The following PMS1 variants were observed in gnomAD, a reference collection of about 807,000 sequenced individuals.
The protein encoded by PMS1 is PMS1 homolog 1, mismatch repair system component, also known as PMS1 protein homolog 1.
PMS1 carries 79 observed loss-of-function variants against 93.1 expected under a neutral mutation model. That is an observed-to-expected ratio of 0.85 (90% CI 0.71 to 1.02). PMS1 has a LOEUF of 1.02. Among genes scored for constraint, PMS1 ranks in the 50% least tolerant of loss-of-function variants. The pLI is 0.00. For synonymous variants in PMS1, 335 were observed against 363.4 expected (o/e 0.92, Z 0.89); for missense variants, 1,064 against 1,085.3 (o/e 0.98, Z 0.28).
intron 2 of PMS1, 84 bp from the exon 3 acceptor site, chr2:189,795,685 A>G (rs1022226376): frequency 1.8e-6 from 2 of 1,116,268 alleles, no homozygotes; most frequent in Non-Finnish European, 2.7e-6. Flanking sequence ...ATAAATGTCA[A>G]AATTCTTTCA....
At chr2:189,816,975 A>T (rs13396620) in intron 4 of PMS1, among the ~76,000 whole-genome samples, 1,657 of 152,020 alleles carry the variant, frequency 0.011, 28 homozygotes, top group African/African-American at 0.038. Context: ...TTTATTTTTA[A>T]AAAAAAAGAT....
chr2:189,848,719 T>G (rs1489585561), intron 6 of PMS1, among the ~76,000 whole-genome samples: 1 of 152,194 alleles, frequency 6.6e-6, no homozygotes, highest in Non-Finnish European at 1.5e-5. Context: ...TTTGAGTGTC[T>G]CTCTGGTGAG....
intron 5 of PMS1, among the ~76,000 whole-genome samples, chr2:189,825,707 G>A (rs2052371378): frequency 6.6e-6 from 1 of 152,132 alleles, no homozygotes; most frequent in South Asian, 2.1e-4. Context: ...AAGCTGAATT[G>A]GATGTCATTG....
chr2:189,859,276 C>T lies in PMS1; in HGVS notation c.1856+4148C>T, dbSNP rs142681859. 5.9e-5 allele frequency among the ~76,000 whole-genome samples: 9 copies of T among 152,226 alleles called. No individual in the cohort carries two copies. The East Asian group carries it at 1.7e-3, about 29-fold the overall frequency. ...GCACACTTTAACTCATTTTATTTCT[C>T]ACAACAAAACTGAAGTAGATGTGTA... On this transcript the variant is annotated intron_variant, in intron 9 of 12. Coordinates refer to ENST00000441310, the MANE Select transcript of PMS1 (RefSeq NM_000534.5).
intron 9 of PMS1, among the ~76,000 whole-genome samples, chr2:189,857,723 A>C (rs1271945967): frequency 6.6e-6 from 1 of 152,046 alleles, no homozygotes; most frequent in Non-Finnish European, 1.5e-5. Flanking sequence ...TTCCCAACTC[A>C]TGAATGGTGT....
rs760223545 is a variant in PMS1 at position 189,854,848 on chromosome 2, T to C, written c.1576T>C (p.Cys526Arg). 2.5e-6 allele frequency: 4 copies of C among 1,610,650 alleles called. No individual in the cohort carries two copies. The highest frequency in any genetic ancestry group is 3.3e-5 in the Admixed American group (2 of 59,960). The change falls in exon 9 of 13, where the codon TGT (cysteine) becomes CGT (arginine). Residue 526 changes from cysteine to arginine, a missense_variant. Cys to Arg is a radical substitution (Grantham distance 180). Coordinates refer to ENST00000441310, the MANE Select transcript of PMS1 (RefSeq NM_000534.5). ...KILVPEKSLP[C>R]KVSNNNYPIP... Reference sequence around the variant, plus strand: ...TTTAGTGCCTGAAAAAAGTTTACCATGTAAAGTAAGTAATAATAATTATCC... The same window carrying C: ...TTTAGTGCCTGAAAAAAGTTTACCACGTAAAGTAAGTAATAATAATTATCC...
intron 9 of PMS1, chr2:189,857,489 T>G (rs1033377019): frequency 4.3e-6 from 2 of 469,110 alleles, no homozygotes; most frequent in African/African-American, 4.0e-5. Flanking sequence ...CTGTCCATGA[T>G]CCTAAATTCT....
chr2:189,805,630 A>G (rs2050267092), intron 3 of PMS1, 22 bp from the exon 4 acceptor site: 1 of 1,557,978 alleles, frequency 6.4e-7, no homozygotes, highest in Non-Finnish European at 8.9e-7. Context: ...TGTTAGTTTT[A>G]TTAGATGTTT....
intron 5 of PMS1, among the ~76,000 whole-genome samples, chr2:189,833,681 T>C (rs1034776331): frequency 5.3e-5 from 8 of 152,200 alleles, no homozygotes; most frequent in African/African-American, 1.9e-4. Flanking sequence ...ACTTTAAATG[T>C]TATAATGATA....
chr2:189,801,137 C>G (rs887397938), intron 3 of PMS1, among the ~76,000 whole-genome samples: 93 of 152,222 alleles, frequency 6.1e-4, no homozygotes, highest in African/African-American at 2.2e-3. Context: ...TGCTGGCAGG[C>G]AGGAGCCACT....
At chr2:189,854,152 TTTG>T in intron 8 of PMS1, 70 bp downstream of exon 8, 2 of 1,368,300 alleles carry the variant, frequency 1.5e-6, no homozygotes, top group Non-Finnish European at 2.0e-6. Flanking sequence ...TATAAAAAGA[TTTG>T]TTTATATTTA....
chr2:189,855,173 C>T lies in PMS1; in HGVS notation c.1856+45C>T, dbSNP rs1054911396. On this transcript the variant is annotated intron_variant, in intron 9 of 12. Coordinates refer to ENST00000441310, the MANE Select transcript of PMS1 (RefSeq NM_000534.5). Reference sequence around the variant, plus strand: ...ATGTGACTTGAATGTTCAGCTATTTCCATTCTATATGACTCACTGTTTAAA... The same window carrying T: ...ATGTGACTTGAATGTTCAGCTATTTTCATTCTATATGACTCACTGTTTAAA... The T allele has an allele frequency of 4.7e-6, 7 of 1,503,942 alleles. No individual in the cohort carries two copies. The African/African-American group carries it at 5.5e-5, about 12-fold the overall frequency. 93.2% of individuals were successfully genotyped at this position (1,503,942 alleles called of 1,614,324 possible).
intron 5 of PMS1, among the ~76,000 whole-genome samples, chr2:189,842,081 CT>C (rs904580166): frequency 3.3e-5 from 5 of 150,896 alleles, no homozygotes; most frequent in Admixed American, 1.3e-4. Flanking sequence ...CAGAAAAGTC[CT>C]TTTTTTTATA....
intron 4 of PMS1, among the ~76,000 whole-genome samples, chr2:189,808,572 C>T (rs2050545579): frequency 1.3e-5 from 2 of 152,138 alleles, no homozygotes; most frequent in South Asian, 4.1e-4. Flanking sequence ...CTCAAGAAAT[C>T]TGCCCTCCTC....
In PMS1 at chr2:189,849,374, T is replaced by G. The variant is rs1476028438; in HGVS notation, c.700-3281T>G. The stretch of plus-strand genomic sequence containing the variant: ...ATATTTTGTTTCTAGGATTTACAAT[T>G]TATTTGTTTTCATATTCTTCTCTTC... On this transcript the variant is annotated intron_variant, in intron 6 of 12. Coordinates refer to ENST00000441310, the MANE Select transcript of PMS1 (RefSeq NM_000534.5). Among the ~76,000 whole-genome samples, 3 of 152,200 alleles carry G rather than the reference T, an allele frequency of 2.0e-5. No individual in the cohort carries two copies. The East Asian group carries it at 5.8e-4, about 29-fold the overall frequency.
chr2:189,871,808 G>A (rs2057173788), intron 11 of PMS1, among the ~76,000 whole-genome samples: 1 of 152,174 alleles, frequency 6.6e-6, no homozygotes, highest in Admixed American at 6.5e-5. Flanking sequence ...ATAAAGAAAT[G>A]AGGTTTATTT....
chr2:189,817,196 C>T (rs138773765), intron 4 of PMS1, among the ~76,000 whole-genome samples: 188 of 152,234 alleles, frequency 1.2e-3, no homozygotes, highest in East Asian at 4.8e-3. Context: ...GTCAATGCTG[C>T]GAAGGTTGAG....
At chr2:189,792,653 T>A (rs1020065013) in intron 2 of PMS1, among the ~76,000 whole-genome samples, 4 of 144,348 alleles carry the variant, frequency 2.8e-5, no homozygotes, top group Non-Finnish European at 6.0e-5. Flanking sequence ...CAGATAAGAT[T>A]CTATGAGATA....
intron 3 of PMS1, among the ~76,000 whole-genome samples, chr2:189,802,392 T>A (rs1227900645): frequency 6.6e-6 from 1 of 152,202 alleles, no homozygotes; most frequent in Non-Finnish European, 1.5e-5. Context: ...AAAATAAATA[T>A]GTTTGCTATT....
Sources: gnomAD v4.1 joint callset for allele counts (sites outside exome capture counted in the v4.1 genomes callset) on GRCh38, gnomAD v4.1.1 for gene constraint, MANE v1.5 for transcripts, NCBI Gene and HGNC (gene_info 2026-07-23, HGNC 2026-07-21) for gene names.